The following GALNT17 variants were observed in gnomAD, a reference collection of about 807,000 sequenced individuals.
GALNT17 encodes polypeptide N-acetylgalactosaminyltransferase 17.
GALNT17 carries 29 observed loss-of-function variants against 63.7 expected under a neutral mutation model. The observed-to-expected ratio is 0.46, with a 90% CI of 0.34 to 0.62. GALNT17 has a LOEUF of 0.62. Among genes scored for constraint, GALNT17 ranks in the 20% least tolerant of loss-of-function variants. The probability of loss-of-function intolerance (pLI) is 0.01; values close to 1 mark genes in which losing one functional copy is unlikely to be tolerated. For synonymous variants in GALNT17, 305 were observed against 318.3 expected (o/e 0.96, Z 0.45); for missense variants, 603 against 799.6 (o/e 0.75, Z 2.97).
Position 71,467,487 on chromosome 7 carries a change from G to A in GALNT17, c.962+46382G>A, listed in dbSNP as rs138555921. 3.9e-5 allele frequency among the ~76,000 whole-genome samples: 6 copies of A among 152,242 alleles called. No individual in the cohort carries two copies. In the East Asian group the frequency reaches 5.8e-4, roughly 15 times the overall value. ...AGGGGAGTGGGGCAAAGTCATGCCTGGGAGATTGTGGTCTTCAAGGGACAA... is the reference window on the plus strand; with the variant it reads ...AGGGGAGTGGGGCAAAGTCATGCCTAGGAGATTGTGGTCTTCAAGGGACAA... On this transcript the variant is annotated intron_variant, in intron 5 of 10. Transcript: ENST00000333538.
chr7:71,673,625 A>C (rs1225916303), intron 8 of GALNT17, among the ~76,000 whole-genome samples: 1 of 152,116 alleles, frequency 6.6e-6, no homozygotes, highest in Middle Eastern at 3.2e-3. Context: ...CTAAAAAGGA[A>C]ATAATAAACA....
intron 6 of GALNT17, among the ~76,000 whole-genome samples, chr7:71,621,357 C>T (rs1790286123): frequency 6.6e-6 from 1 of 152,104 alleles, no homozygotes; most frequent in Non-Finnish European, 1.5e-5. Flanking sequence ...GCATCTATGT[C>T]GATTTTATTC....
At chr7:71,510,495 C>T (rs1433573306) in intron 5 of GALNT17, among the ~76,000 whole-genome samples, 1 of 152,104 alleles carries the variant, frequency 6.6e-6, no homozygotes, top group Non-Finnish European at 1.5e-5. Flanking sequence ...GTGCTAATTT[C>T]CTGCCACTTC....
intron 5 of GALNT17, among the ~76,000 whole-genome samples, chr7:71,449,867 C>A (rs111350351): frequency 0.053 from 8,112 of 151,810 alleles, 751 homozygotes; most frequent in African/African-American, 0.19. Context: ...CATGGAGAAA[C>A]CCCATCTCTA....
intron 5 of GALNT17, among the ~76,000 whole-genome samples, chr7:71,463,941 C>T (rs1362355087): frequency 1.3e-5 from 2 of 152,142 alleles, no homozygotes; most frequent in East Asian, 3.9e-4. Flanking sequence ...GTGCCCATCC[C>T]TTATCTCATC....
At chr7:71,702,007 AG>A (rs1791658628) in intron 9 of GALNT17, among the ~76,000 whole-genome samples, 1 of 151,140 alleles carries the variant, frequency 6.6e-6, no homozygotes, top group African/African-American at 2.4e-5. Flanking sequence ...ATGTAGCTGG[AG>A]GCCATTATCC....
At chr7:71,404,791 C>G (rs897051140) in intron 3 of GALNT17, among the ~76,000 whole-genome samples, 11 of 152,204 alleles carry the variant, frequency 7.2e-5, no homozygotes, top group African/African-American at 4.8e-5. Context: ...GATGCCCACT[C>G]TTTTGAAACC....
intron 5 of GALNT17, among the ~76,000 whole-genome samples, chr7:71,461,639 T>A (rs901419393): frequency 1.3e-5 from 2 of 152,276 alleles, no homozygotes; most frequent in Admixed American, 1.3e-4. Flanking sequence ...TAAATTAACA[T>A]AAAAAGTCAG....
intron 5 of GALNT17, among the ~76,000 whole-genome samples, chr7:71,497,227 C>T (rs987045577): frequency 1.3e-5 from 2 of 152,220 alleles, no homozygotes; most frequent in Non-Finnish European, 2.9e-5. Flanking sequence ...CTTCTGTGCA[C>T]TAATCCACTA....
chr7:71,639,849 G>C lies in GALNT17; in HGVS notation c.1081-25562G>C, dbSNP rs560260867. ...ACCTTTAGGTAATCTCTTTCAGAGG[G>C]GGGTGAGCTCTGACAAGGCAAAGGA... On this transcript the variant is annotated intron_variant, in intron 6 of 10. Transcript: ENST00000333538. Among the ~76,000 whole-genome samples, 6 of 152,250 alleles carry C rather than the reference G, an allele frequency of 3.9e-5. No individual in the cohort carries two copies. In the East Asian group the frequency reaches 7.7e-4, roughly 20 times the overall value.
At chr7:71,325,043 G>T (rs1371792852) in intron 1 of GALNT17, among the ~76,000 whole-genome samples, 1 of 152,122 alleles carries the variant, frequency 6.6e-6, no homozygotes, top group East Asian at 1.9e-4. Flanking sequence ...TTCAGTGTGT[G>T]TTAATAGCTG....
intron 5 of GALNT17, among the ~76,000 whole-genome samples, chr7:71,567,174 G>T (rs892957929): frequency 2.6e-5 from 4 of 152,134 alleles, no homozygotes; most frequent in African/African-American, 9.7e-5. Flanking sequence ...TGCTTTTCCA[G>T]ACTAAAGGTC....
chr7:71,193,909 G>T (rs114981689), intron 1 of GALNT17, among the ~76,000 whole-genome samples: 2 of 152,136 alleles, frequency 1.3e-5, no homozygotes, highest in Non-Finnish European at 2.9e-5. Flanking sequence ...CTTTCGGGGC[G>T]TATTGACAAA....
chr7:71,621,961 T>A (rs528955098), intron 6 of GALNT17, among the ~76,000 whole-genome samples: 105 of 152,342 alleles, frequency 6.9e-4, no homozygotes, highest in Non-Finnish European at 1.3e-3. Flanking sequence ...TGCATGGATA[T>A]CTTGGCAGCT....
Position 71,132,767 on chromosome 7 carries a change from G to T in GALNT17, c.-36G>T. ...CCGCGCCTCGCCGGAGCCCGAGGGG[G>T]CGCAGGTCCGGGGCGAGGGCCGGCC... On this transcript the variant is annotated 5_prime_UTR_variant, in exon 1 of 11. Transcript: ENST00000333538. 1.9e-5 allele frequency: 30 copies of T among 1,538,840 alleles called. No individual in the cohort carries two copies. The highest frequency in any genetic ancestry group is 2.6e-5 in the Non-Finnish European group (30 of 1,135,372).
intron 5 of GALNT17, among the ~76,000 whole-genome samples, chr7:71,559,920 C>T (rs987755438): frequency 2.3e-4 from 35 of 151,080 alleles, no homozygotes; most frequent in Non-Finnish European, 4.6e-4. Flanking sequence ...ATCAGCCAGG[C>T]GCGGTAGCTC....
chr7:71,377,114 A>AAAT lies in GALNT17; in HGVS notation c.423-11120_423-11119insATA. Among the ~76,000 whole-genome samples, 462 of 57,406 alleles carry AAAT rather than the reference A, an allele frequency of 8.0e-3. 53 individuals carry two copies. The highest frequency in any genetic ancestry group is 0.01 in the Non-Finnish European group (336 of 33,224). 37.7% of individuals were successfully genotyped at this position (57,406 alleles called of 152,430 possible). A position where few individuals can be genotyped will look rare whatever the true frequency, so the allele number is the denominator to read the frequency against. On this transcript the variant is annotated intron_variant, in intron 2 of 10. Transcript: ENST00000333538. ...AAAAAAAAAAAATAAAAATAAAAAA[A>AAAT]ATATATATATATATATATATATATA... is the stretch of plus-strand genomic sequence containing the variant.
At chr7:71,259,571 G>A (rs1055837052) in intron 1 of GALNT17, among the ~76,000 whole-genome samples, 1 of 151,900 alleles carries the variant, frequency 6.6e-6, no homozygotes, top group African/African-American at 2.4e-5. Context: ...TAAGAGAGGG[G>A]ACATAAGCCA....
chr7:71,457,592 T>C (rs897132478), intron 5 of GALNT17, among the ~76,000 whole-genome samples: 2 of 152,204 alleles, frequency 1.3e-5, no homozygotes, highest in Non-Finnish European at 2.9e-5. Context: ...GGGTGGATTA[T>C]TCATGCCTCC....
Sources: gnomAD v4.1 joint callset for allele counts (sites outside exome capture counted in the v4.1 genomes callset) on GRCh38, gnomAD v4.1.1 for gene constraint, MANE v1.5 for transcripts, NCBI Gene and HGNC (gene_info 2026-07-23, HGNC 2026-07-21) for gene names.